CDH18: variants seen among roughly 807,000 people sequenced by gnomAD.
CDH18 encodes cadherin-18.
CDH18 carries 31 observed loss-of-function variants against 67.9 expected under a neutral mutation model. The observed-to-expected ratio is 0.46, with a 90% CI of 0.34 to 0.62. The LOEUF is 0.62. Among genes scored for constraint, CDH18 ranks in the 20% least tolerant of loss-of-function variants. The pLI, the probability that CDH18 is intolerant of heterozygous loss-of-function variation, is 0.01. For synonymous variants in CDH18, 362 were observed against 347.2 expected (o/e 1.04, Z -0.48); for missense variants, 890 against 975.5 (o/e 0.91, Z 1.17).
chr5:19,930,903 T>C (rs1793618856), intron 2 of CDH18, among the ~76,000 whole-genome samples: 1 of 151,984 alleles, frequency 6.6e-6, no homozygotes, highest in South Asian at 2.1e-4. Flanking sequence ...AGAAACTCAG[T>C]TCGAAACACA....
intron 2 of CDH18, among the ~76,000 whole-genome samples, chr5:20,086,163 T>A (rs187842862): frequency 2.0e-5 from 3 of 152,208 alleles, no homozygotes; most frequent in Non-Finnish European, 4.4e-5. Flanking sequence ...TTGGTCTTGA[T>A]AGATGATCAA....
intron 1 of CDH18, among the ~76,000 whole-genome samples, chr5:20,360,890 A>G: frequency 6.6e-6 from 1 of 152,130 alleles, no homozygotes; most frequent in Admixed American, 6.6e-5. Flanking sequence ...CTCCTCACTC[A>G]CAAAAATTTC....
At chr5:19,893,735 G>A (rs2150090889) in intron 2 of CDH18, among the ~76,000 whole-genome samples, 1 of 152,204 alleles carries the variant, frequency 6.6e-6, no homozygotes. Flanking sequence ...GGAAGTTAAT[G>A]TGACTTTTCA....
At position 19,747,152 on chromosome 5, in the gene CDH18, C is replaced by T. The variant is rs868527442; in HGVS notation, c.313G>A (p.Asp105Asn). Residue 105 changes from aspartate to asparagine, a missense_variant, in exon 4 of 13, where the codon GAT becomes AAT. Asp to Asn is a conservative substitution (Grantham distance 23). This residue lies in a region of CDH18 where 234 missense variants were observed against 307.4 expected (regional missense o/e 0.76). Coordinates refer to ENST00000382275, the MANE Select transcript of CDH18 (RefSeq NM_004934.5). ...GTTGAGTGGATATCACCCGTGGTAT[C>T]GTCAATGATAAATATAGTCCCAGCA... ...EGAGTIFIID[D>N]TTGDIHSTKS... The T allele has an allele frequency of 1.9e-6, 3 of 1,613,770 alleles. No homozygotes were observed. The highest frequency in any genetic ancestry group is 1.1e-5 in the South Asian group (1 of 91,078).
intron 2 of CDH18, among the ~76,000 whole-genome samples, chr5:19,871,907 T>A (rs1209621273): frequency 6.6e-6 from 1 of 152,288 alleles, no homozygotes; most frequent in African/African-American, 2.4e-5. Flanking sequence ...TTAGTTAGGA[T>A]TAATGTTAAT....
chr5:20,096,170 C>T (rs1011354587), intron 2 of CDH18, among the ~76,000 whole-genome samples: 1 of 152,040 alleles, frequency 6.6e-6, no homozygotes, highest in Non-Finnish European at 1.5e-5. Context: ...TTGAAAACCA[C>T]ACCTTAGTCC....
At chr5:20,249,931 T>A (rs184523507) in intron 2 of CDH18, among the ~76,000 whole-genome samples, 4,090 of 151,468 alleles carry the variant, frequency 0.027, 193 homozygotes, top group African/African-American at 0.092. Flanking sequence ...CATTGGTGAT[T>A]TTTTTTTTAA....
chr5:20,328,982 G>A (rs1028532664), intron 1 of CDH18, among the ~76,000 whole-genome samples: 6 of 152,040 alleles, frequency 3.9e-5, no homozygotes, highest in African/African-American at 1.2e-4. Context: ...TCTCATCTCA[G>A]AAATAAAACC....
intron 5 of CDH18, among the ~76,000 whole-genome samples, chr5:19,671,963 T>C (rs1758810210): frequency 6.6e-6 from 1 of 152,116 alleles, no homozygotes; most frequent in Admixed American, 6.6e-5. Context: ...TTCCTAGGTA[T>C]TCACAGTCAA....
At chr5:19,964,356 G>A (rs1561643920) in intron 2 of CDH18, among the ~76,000 whole-genome samples, 1 of 151,572 alleles carries the variant, frequency 6.6e-6, no homozygotes, top group Non-Finnish European at 1.5e-5. Flanking sequence ...CAAGGTGGAA[G>A]GATCACTTGA....
intron 8 of CDH18, among the ~76,000 whole-genome samples, chr5:19,548,543 A>C (rs1736737207): frequency 6.6e-6 from 1 of 152,070 alleles, no homozygotes. Context: ...TTTATGGAGC[A>C]CTTGCAGTAT....
intron 1 of CDH18, among the ~76,000 whole-genome samples, chr5:20,555,439 T>TTTTTTTTTTTTTTTTTTTTTTTTTTG (rs1757852955): frequency 2.1e-5 from 1 of 46,968 alleles, no homozygotes; most frequent in Non-Finnish European, 4.3e-5. Context: ...TTTTTTTTTT[T>TTTTTTTTTTTTTTTTTTTTTTTTTTG]TTTTTTTTTT....
chr5:19,941,445 T>G (rs757959309), intron 2 of CDH18, among the ~76,000 whole-genome samples: 1 of 152,004 alleles, frequency 6.6e-6, no homozygotes, highest in Non-Finnish European at 1.5e-5. Context: ...TTACTGCCAG[T>G]GAGGTGAACA....
At chr5:20,170,874 T>C (rs1392835947) in intron 2 of CDH18, among the ~76,000 whole-genome samples, 1 of 152,024 alleles carries the variant, frequency 6.6e-6, no homozygotes, top group Non-Finnish European at 1.5e-5. Flanking sequence ...CACTCTCTTG[T>C]AGGCTTCTGT....
At chr5:20,159,134 A>C (rs1019891649) in intron 2 of CDH18, among the ~76,000 whole-genome samples, 1 of 152,186 alleles carries the variant, frequency 6.6e-6, no homozygotes, top group Non-Finnish European at 1.5e-5. Context: ...GTTGCTTGAC[A>C]CTAAGAAGTG....
intron 2 of CDH18, among the ~76,000 whole-genome samples, chr5:19,863,279 G>A (rs1471948167): frequency 6.6e-6 from 1 of 152,114 alleles, no homozygotes; most frequent in African/African-American, 2.4e-5. Flanking sequence ...AACCCTGGGA[G>A]GGGCTATCCC....
chr5:19,848,531 T>C (rs1783267777), intron 2 of CDH18, among the ~76,000 whole-genome samples: 1 of 152,122 alleles, frequency 6.6e-6, no homozygotes, highest in Admixed American at 6.6e-5. Context: ...AAGAAGAGCC[T>C]GGGGCTTTCT....
chr5:20,493,948 G>GCAA (rs1753746717), intron 1 of CDH18, among the ~76,000 whole-genome samples: 1 of 151,612 alleles, frequency 6.6e-6, no homozygotes, highest in Non-Finnish European at 1.5e-5. Flanking sequence ...AACAAAAACA[G>GCAA]CAAAAAAAAA....
intron 1 of CDH18, among the ~76,000 whole-genome samples, chr5:20,275,215 G>A (rs985814367): frequency 1.3e-5 from 2 of 152,048 alleles, no homozygotes; most frequent in Admixed American, 1.3e-4. Flanking sequence ...GGTGCCTAAT[G>A]GGAGGTGATT....
Sources: allele counts gnomAD v4.1 joint callset (sites outside exome capture counted in the v4.1 genomes callset), GRCh38; gene constraint gnomAD v4.1.1; regional missense constraint gnomAD v4.1.1; transcripts MANE v1.5; gene names NCBI Gene and HGNC (gene_info 2026-07-23, HGNC 2026-07-21).